The following SEMA6C variants were observed in gnomAD, a reference collection of about 807,000 sequenced individuals.
SEMA6C encodes the protein semaphorin-6C.
SEMA6C carries 37 observed loss-of-function variants against 72.9 expected under a neutral mutation model. That is an observed-to-expected ratio of 0.51 (90% CI 0.39 to 0.67). The LOEUF (loss-of-function observed/expected upper bound fraction) is 0.67. SEMA6C is among the 30% of genes least tolerant of loss of function. SEMA6C has a pLI of 0.00. For missense variants in SEMA6C, 1,189 were observed against 1,263.6 expected, an observed-to-expected ratio of 0.94 and a Z score of 0.89; for synonymous variants, 578 against 554.1, an observed-to-expected ratio of 1.04 and a Z score of -0.61.
Position 151,133,861 on chromosome 1 carries a change from G to A in SEMA6C, c.1760-344C>T. ...TGGGGAAGGGAGGCTCCAAACAGGCGTTAGTGAGCACCAAACACCATTCAG... is the reference window on the plus strand; with the variant it reads ...TGGGGAAGGGAGGCTCCAAACAGGCATTAGTGAGCACCAAACACCATTCAG... On this transcript the variant is annotated intron_variant, in intron 18 of 18. Transcript: ENST00000368914. This position sits in a 1 kb window ranked among gnomAD's most constrained non-coding sequence, Gnocchi z 5.9. 2 of 1,096,626 alleles carry A rather than the reference G, an allele frequency of 1.8e-6. No homozygotes were observed. Among genetic ancestry groups the A allele is most frequent in the Non-Finnish European group, 2.6e-6 (2 of 754,840 alleles). 67.9% of individuals were successfully genotyped at this position (1,096,626 alleles called of 1,614,324 possible).
In SEMA6C at chr1:151,134,625, C is replaced by CA; in HGVS notation, c.1708dup (p.Cys570LeufsTer458). 1 of 1,614,186 alleles carries CA rather than the reference C, an allele frequency of 6.2e-7. No individual in the cohort carries two copies. The highest frequency in any genetic ancestry group is 8.5e-7 in the Non-Finnish European group (1 of 1,180,016). On this transcript the variant is annotated frameshift_variant, in exon 17 of 19. Coordinates refer to ENST00000368914, the MANE Select transcript of SEMA6C (RefSeq NM_030913.6). LOFTEE classifies it low-confidence loss of function (END_TRUNC). ...CAGCTGCCTCTTCTGTTTACCTTGG[C>CA]AGTCACCATGCTCCATGGATTCCTG...
In SEMA6C at chr1:151,142,547, G is replaced by A. The variant is rs1334354302; in HGVS notation, c.75C>T (p.Ala25=). ...ACAGAGGGAGGGGGTCCTGGGGAAA[G>A]GCGGCCTGAGTATGGGGAAGTGAGA... ...LLLSLPHTQA[A]FPQDPLPLLI... The change falls in exon 3 of 19, where the codon GCC becomes GCT. Residue 25 remains alanine (A), a synonymous_variant. Coordinates refer to ENST00000368914, the MANE Select transcript of SEMA6C (RefSeq NM_030913.6). The A allele has an allele frequency of 6.2e-7, 1 of 1,612,766 alleles. No homozygotes were observed. The highest frequency in any genetic ancestry group is 8.5e-7 in the Non-Finnish European group (1 of 1,179,466).
chr1:151,136,393 TG>T, intron 12 of SEMA6C, 54 bp downstream of exon 12: 2 of 1,590,756 alleles, frequency 1.3e-6, no homozygotes, highest in Non-Finnish European at 1.7e-6. Flanking sequence ...AATCCCATCT[TG>T]GGGGCAGACG....
chr1:151,140,409 G>T (rs974860615), intron 3 of SEMA6C, among the ~76,000 whole-genome samples: 1 of 152,210 alleles, frequency 6.6e-6, no homozygotes, highest in African/African-American at 2.4e-5. Context: ...TCAGATCCAG[G>T]TCTGTCTGCC....
Position 151,138,101 on chromosome 1 carries a change from G to A in SEMA6C, c.552C>T (p.Gly184=). 6.2e-7 allele frequency: 1 copy of A among 1,613,940 alleles called. No individual in the cohort carries two copies. Among genetic ancestry groups the A allele is most frequent in the Non-Finnish European group, 8.5e-7 (1 of 1,179,936 alleles). ...CCGCAGCTGTGGCTGAGTACAGGCT[G>A]CCCTCTGGAGGGATGGGTGGAGTGG... The part of the protein sequence containing the change: ...TQSNVAIFAE[G]SLYSATAADF... The change falls in exon 9 of 19, where the codon GGC becomes GGT. Residue 184 remains glycine (G), a synonymous_variant. Coordinates refer to ENST00000368914, the MANE Select transcript of SEMA6C (RefSeq NM_030913.6).
chr1:151,142,523 C>T lies in SEMA6C; in HGVS notation c.99G>A (p.Leu33=). 1 of 1,613,164 alleles carries T rather than the reference C, an allele frequency of 6.2e-7. No homozygotes were observed. Among genetic ancestry groups the T allele is most frequent in the East Asian group, 2.2e-5 (1 of 44,838 alleles). Residue 33 remains leucine, a synonymous_variant, in exon 3 of 19, where the codon CTG becomes CTA. Transcript: ENST00000368914. ...QAAFPQDPLP[L]LISDLQGTSP... ...ACTCACCTTGAAGGTCAGAGATCAA[C>T]AGAGGGAGGGGGTCCTGGGGAAAGG...
In SEMA6C at chr1:151,135,689, G is replaced by A; in HGVS notation, c.1335C>T (p.Ser445=). The A allele has an allele frequency of 6.2e-7, 1 of 1,614,188 alleles. No homozygotes were observed. The highest frequency in any genetic ancestry group is 8.5e-7 in the Non-Finnish European group (1 of 1,180,018). ...GCACCTTCAGCACTGTCCCATCATT[G>A]GAGCCAAGGAACATGACTGTGATGT... The part of the protein sequence containing the change: ...HSNITVMFLG[S]NDGTVLKVLT... Residue 445 remains serine (S), a synonymous_variant, in exon 14 of 19, where the codon TCC becomes TCT. Transcript: ENST00000368914.
At chr1:151,140,459 G>A (rs1366315424) in intron 3 of SEMA6C, among the ~76,000 whole-genome samples, 1 of 152,136 alleles carries the variant, frequency 6.6e-6, no homozygotes, top group Non-Finnish European at 1.5e-5. Flanking sequence ...ACTGCCTTAG[G>A]GCTAGCAATT....
chr1:151,141,560 C>T (rs1682554335), intron 3 of SEMA6C, among the ~76,000 whole-genome samples: 1 of 152,030 alleles, frequency 6.6e-6, no homozygotes, highest in Non-Finnish European at 1.5e-5. Flanking sequence ...CAGGCACACG[C>T]CACCAAGCCT....
rs775685460 is a variant in SEMA6C at position 151,132,806 on chromosome 1, G to C, written c.2471C>G (p.Pro824Arg). The change falls in exon 19 of 19, where the codon CCC (proline) becomes CGC (arginine). Residue 824 changes from proline to arginine, a missense_variant. By Grantham distance (103) the Pro-to-Arg change is moderately radical. This residue lies in a region of SEMA6C where 721 missense variants were observed against 686.2 expected (regional missense o/e 1.05). Transcript: ENST00000368914. ...GGGGGCAGAGGCGCACCTGCCCTCG[G>C]GGGGCACGTCCAGCCTCAGCGGCGA... is the stretch of plus-strand genomic sequence containing the variant. ...CASPLRLDVP[P>R]EGRCASAPAR... The C allele has an allele frequency of 3.7e-6, 5 of 1,335,742 alleles. No homozygotes were observed. Among genetic ancestry groups the C allele is most frequent in the Non-Finnish European group, 4.8e-6 (5 of 1,042,270 alleles). The allele number at this position is 1,335,742 out of a possible 1,614,324, so 82.7% of individuals were successfully genotyped here. A position where few individuals can be genotyped will look rare whatever the true frequency, so the allele number is the denominator to read the frequency against.
chr1:151,136,461 C>G lies in SEMA6C; in HGVS notation c.1093G>C (p.Val365Leu). The change falls in exon 12 of 19, where the codon GTT (valine) becomes CTT (leucine). Residue 365 changes from valine to leucine, a missense_variant. Physicochemically the swap from Val to Leu is conservative, Grantham distance 32. Coordinates refer to ENST00000368914, the MANE Select transcript of SEMA6C (RefSeq NM_030913.6). ...GAWTPVSEDR[V>L]PSPRPGSCAG... Reference sequence around the variant, plus strand: ...CATCCTGGGTACCTGGGTGAGGGAACTCTGTCCTCAGACACAGGAGTCCAG... The same window carrying G: ...CATCCTGGGTACCTGGGTGAGGGAAGTCTGTCCTCAGACACAGGAGTCCAG... 1 of 1,613,784 alleles carries G rather than the reference C, an allele frequency of 6.2e-7. No homozygotes were observed. Among genetic ancestry groups the G allele is most frequent in the South Asian group, 1.1e-5 (1 of 91,034 alleles).
At position 151,136,997 on chromosome 1, in the gene SEMA6C, T is replaced by C; in HGVS notation, c.834A>G (p.Thr278=). The C allele has an allele frequency of 1.2e-6, 2 of 1,614,092 alleles. No individual in the cohort carries two copies. The highest frequency in any genetic ancestry group is 1.7e-4 in the Middle Eastern group (1 of 6,034). The change falls in exon 11 of 19, where the codon ACA becomes ACG. Residue 278 remains threonine (T), a synonymous_variant. Coordinates refer to ENST00000368914, the MANE Select transcript of SEMA6C (RefSeq NM_030913.6). ...AGTTGAGCCGAAGCTTCAGGAAGGATGTCCAGTGGCGGTCCAAGGCCCGAG... is the reference window on the plus strand; with the variant it reads ...AGTTGAGCCGAAGCTTCAGGAAGGACGTCCAGTGGCGGTCCAAGGCCCGAG... ...GSPRALDRHW[T]SFLKLRLNCS...
intron 18 of SEMA6C, 162 bp downstream of exon 18, chr1:151,134,239 C>A: frequency 1.3e-6 from 1 of 788,784 alleles, no homozygotes; most frequent in Non-Finnish European, 2.1e-6. Context: ...AAGTACCCTA[C>A]TGTGTGCCAA....
At position 151,133,566 on chromosome 1, in the gene SEMA6C, G is replaced by T; in HGVS notation, c.1760-49C>A. The T allele has an allele frequency of 2.8e-6, 4 of 1,452,346 alleles. No homozygotes were observed. Among genetic ancestry groups the T allele is most frequent in the Non-Finnish European group, 3.6e-6 (4 of 1,106,772 alleles). 90.0% of individuals were successfully genotyped at this position (1,452,346 alleles called of 1,614,324 possible). A position where few individuals can be genotyped will look rare whatever the true frequency, so the allele number is the denominator to read the frequency against. ...AGGCTCAGCCAAGGGGAGGCGGTGCGGGGTACCTAGGCCCAGAGGCGCCGG... is the reference window on the plus strand; with the variant it reads ...AGGCTCAGCCAAGGGGAGGCGGTGCTGGGTACCTAGGCCCAGAGGCGCCGG... On this transcript the variant is annotated intron_variant, in intron 18 of 18. Transcript: ENST00000368914. This position sits in a 1 kb window ranked among gnomAD's most constrained non-coding sequence, Gnocchi z 5.9.
rs1572018253 is a variant in SEMA6C, at chr1:151,132,913, G to A, written c.2364C>T (p.Ala788=). 2.2e-6 allele frequency: 3 copies of A among 1,381,264 alleles called. No homozygotes were observed. Among genetic ancestry groups the A allele is most frequent in the Non-Finnish European group, 2.8e-6 (3 of 1,067,430 alleles). 85.6% of individuals were successfully genotyped at this position (1,381,264 alleles called of 1,614,324 possible). A position where few individuals can be genotyped will look rare whatever the true frequency, so the allele number is the denominator to read the frequency against. Reference sequence around the variant, plus strand: ...GCGGGAGCGCCCGCGAGGTTAAAGGGGCGGGGGGCTCGGCCCCCTTTCTGG... The same window carrying A: ...GCGGGAGCGCCCGCGAGGTTAAAGGAGCGGGGGGCTCGGCCCCCTTTCTGG... The part of the protein sequence containing the change: ...QPPRKGAEPP[A]PLTSRALPPE... Residue 788 remains alanine (A), a synonymous_variant, in exon 19 of 19, where the codon GCC becomes GCT. Transcript: ENST00000368914.
chr1:151,132,164 G>A lies in SEMA6C; in HGVS notation c.*320C>T. 7.1e-7 allele frequency: 1 copy of A among 1,399,064 alleles called. No individual in the cohort carries two copies. The highest frequency in any genetic ancestry group is 9.4e-7 in the Non-Finnish European group (1 of 1,063,336). The allele number at this position is 1,399,064 out of a possible 1,614,324, so 86.7% of individuals were successfully genotyped here. A position where few individuals can be genotyped will look rare whatever the true frequency, so the allele number is the denominator to read the frequency against. ...GACACAGCGCGCGCGGCCCGCCCGG[G>A]GCACAGTCTCTGGGGGAGCCCCGAG... On this transcript the variant is annotated 3_prime_UTR_variant, in exon 19 of 19. Transcript: ENST00000368914.
At chr1:151,134,250 G>A (rs1365134870) in intron 18 of SEMA6C, 151 bp downstream of exon 18, 3 of 824,396 alleles carry the variant, frequency 3.6e-6, no homozygotes, top group Non-Finnish European at 4.1e-6. Context: ...TGTGTGCCAA[G>A]TACTGAGCTA....
At chr1:151,134,483 GA>G in intron 17 of SEMA6C, 38 bp from the exon 18 acceptor site, 1 of 1,607,982 alleles carries the variant, frequency 6.2e-7, no homozygotes, top group South Asian at 1.1e-5. Flanking sequence ...GGGGGAAAGA[GA>G]AGCTTCATGA....
rs1328950648 is a variant in SEMA6C at position 151,133,943 on chromosome 1, C to G, written c.1760-426G>C. ...GCCCCACACTTCACTCCTATCTCTC[C>G]CAAGTAGCCCCCTTACCCCGAGTGT... is the stretch of plus-strand genomic sequence containing the variant. On this transcript the variant is annotated intron_variant, in intron 18 of 18. Coordinates refer to ENST00000368914, the MANE Select transcript of SEMA6C (RefSeq NM_030913.6). The surrounding 1 kb of genome is among the most constrained non-coding windows in gnomAD (Gnocchi z 5.9). The G allele has an allele frequency of 1.9e-6, 3 of 1,538,702 alleles. No individual in the cohort carries two copies. The highest frequency in any genetic ancestry group is 2.6e-6 in the Non-Finnish European group (3 of 1,136,386).
Sources: allele counts gnomAD v4.1 joint callset (sites outside exome capture counted in the v4.1 genomes callset), GRCh38; gene constraint gnomAD v4.1.1; regional missense constraint gnomAD v4.1.1; non-coding constraint Gnocchi (gnomAD v3.1); transcripts MANE v1.5; gene names NCBI Gene and HGNC (gene_info 2026-07-23, HGNC 2026-07-21).